Variants in GET4 observed in about 807,000 individuals in gnomAD.
GET4 encodes the protein Golgi to ER traffic protein 4 homolog.
A neutral mutation model predicts 40.0 loss-of-function variants in GET4; 20 were observed. The observed-to-expected ratio is 0.50, with a 90% CI of 0.35 to 0.73. GET4 has a LOEUF of 0.73. Among genes scored for constraint, GET4 ranks in the 30% least tolerant of loss-of-function variants. The pLI is 0.01. For missense variants in GET4, 557 were observed against 454.0 expected (o/e 1.23, Z -2.06); for synonymous variants, 280 against 194.6 (o/e 1.44, Z -3.65).
chr7:892,581 GGT>G (rs1201157813), intron 6 of GET4, 163 bp downstream of exon 6: 4 of 656,050 alleles, frequency 6.1e-6, no homozygotes, highest in East Asian at 5.5e-5. Context: ...ACGTGGCATA[GGT>G]GTGTGTGCAG....
At chr7:890,399 T>C (rs10246770) in intron 4 of GET4, among the ~76,000 whole-genome samples, 267 of 13,250 alleles carry the variant, frequency 0.02, 68 homozygotes, top group Middle Eastern at 0.067. Flanking sequence ...GGAGGGAGTG[T>C]GAGCGGGTGT....
chr7:895,146 GGTC>G (rs1844448652), intron 8 of GET4, among the ~76,000 whole-genome samples, 185 bp from the exon 9 acceptor site: 1 of 152,014 alleles, frequency 6.6e-6, no homozygotes, highest in Non-Finnish European at 1.5e-5. Flanking sequence ...GTATCTCTGT[GGTC>G]GTCGGCTCCC....
At chr7:894,571 C>T (rs1186321075) in intron 8 of GET4, among the ~76,000 whole-genome samples, 1 of 152,164 alleles carries the variant, frequency 6.6e-6, no homozygotes, top group Non-Finnish European at 1.5e-5. Flanking sequence ...ACACCCTGGC[C>T]CTCACCGTGC....
At chr7:888,310 A>G (rs1343168344) in intron 4 of GET4, among the ~76,000 whole-genome samples, 1 of 152,196 alleles carries the variant, frequency 6.6e-6, no homozygotes, top group African/African-American at 2.4e-5. Context: ...GAGCAGCTGC[A>G]TGAGGGCCCA....
chr7:884,102 T>TTTC, intron 1 of GET4: 2 of 1,196,922 alleles, frequency 1.7e-6, no homozygotes, highest in Middle Eastern at 3.8e-4. Context: ...TTTCTTCTGG[T>TTTC]TTCTAAGTCG....
At chr7:879,555 T>C (rs1262813022) in intron 1 of GET4, among the ~76,000 whole-genome samples, 2 of 152,180 alleles carry the variant, frequency 1.3e-5, no homozygotes, top group Non-Finnish European at 2.9e-5. Context: ...TCGTGGCTTA[T>C]GAGGAGACAT....
chr7:894,419 C>G (rs539877052), intron 8 of GET4, among the ~76,000 whole-genome samples: 1 of 152,178 alleles, frequency 6.6e-6, no homozygotes, highest in African/African-American at 2.4e-5. Context: ...AGGCCCCTCA[C>G]TGAGCCGCCT....
Position 895,850 on chromosome 7 carries a change from C to T in GET4, c.*428C>T, listed in dbSNP as rs2128630552. On this transcript the variant is annotated 3_prime_UTR_variant, in exon 9 of 9. Coordinates refer to ENST00000265857, the MANE Select transcript of GET4 (RefSeq NM_015949.3). The stretch of plus-strand genomic sequence containing the variant: ...GTGCTGGCCCTCGGACCTGAGAGCC[C>T]AGCCAGGGCCCATGTGGTCTGCAAA... The T allele has an allele frequency of 6.5e-6, 1 of 154,328 alleles. No homozygotes were observed. Among genetic ancestry groups the T allele is most frequent in the South Asian group, 2.0e-4 (1 of 4,914 alleles). 9.6% of individuals were successfully genotyped at this position (154,328 alleles called of 1,614,324 possible).
chr7:879,812 G>A (rs922503359), intron 1 of GET4: 1 of 152,202 alleles, frequency 6.6e-6, no homozygotes. Context: ...CGTTTTTAAT[G>A]CCAGTTGAAT....
intron 8 of GET4, 78 bp from the exon 9 acceptor site, chr7:895,256 G>T (rs1248854272): frequency 1.4e-6 from 1 of 707,406 alleles, no homozygotes. Context: ...CACCTTGTGA[G>T]ACGTTTGTGG....
At chr7:886,717 C>G in intron 3 of GET4, 67 bp downstream of exon 3, 1 of 1,034,134 alleles carries the variant, frequency 9.7e-7, no homozygotes, top group Non-Finnish European at 1.5e-6. Flanking sequence ...CCCCGGGTCT[C>G]TGCGCTGTGT....
intron 4 of GET4, among the ~76,000 whole-genome samples, chr7:889,419 C>G (rs1169903634): frequency 6.6e-6 from 1 of 152,232 alleles, no homozygotes; most frequent in African/African-American, 2.4e-5. Flanking sequence ...GGGATGAAAT[C>G]ACACCCATAG....
At position 889,676 on chromosome 7, in the gene GET4, TCTGGGGCGAGCGGGTGTTAGGACGGGC is replaced by T. The variant is rs1191194980; in HGVS notation, c.467-1246_467-1220del. 5.1e-3 allele frequency among the ~76,000 whole-genome samples: 685 copies of T among 133,144 alleles called. 2 individuals are homozygous for T. The highest frequency in any genetic ancestry group is 0.012 in the Middle Eastern group (3 of 242). 87.3% of individuals were successfully genotyped at this position (133,144 alleles called of 152,430 possible). ...AGTGTGAGCGGGTGTTAGGACGGGG[TCTGGGGCGAGCGGGTGTTAGGACGGGC>T]CTGGGAGCGGAGGGAGTGCGAGCGG... On this transcript the variant is annotated intron_variant, in intron 4 of 8. Transcript: ENST00000265857.
Position 878,141 on chromosome 7 carries a change from C to T in GET4, c.155+1341C>T, listed in dbSNP as rs534943350. ...CTGGACCTAGGCTCGGTGACACCTG[C>T]ACGGCCGGTGTAGCCTGGAGGGCGA... is the stretch of plus-strand genomic sequence containing the variant. On this transcript the variant is annotated intron_variant, in intron 1 of 8. Transcript: ENST00000265857. 2.8e-4 allele frequency: 112 copies of T among 397,726 alleles called. 1 individual carries two copies. The highest frequency in any genetic ancestry group is 1.8e-3 in the South Asian group (100 of 54,690). The allele number at this position is 397,726 out of a possible 1,614,324, so 24.6% of individuals were successfully genotyped here.
Position 887,491 on chromosome 7 carries a change from C to G in GET4, c.438C>G (p.His146Gln). Reference sequence around the variant, plus strand: ...GGAAGCTGGGCCACCCCCGGCTGCACCAGCTGCTGGCCCTCACCCTGTGGA... The same window carrying G: ...GGAAGCTGGGCCACCCCCGGCTGCAGCAGCTGCTGGCCCTCACCCTGTGGA... Reference protein sequence around the residue: ...GSGKLGHPRLHQLLALTLWKE... With the variant: ...GSGKLGHPRLQQLLALTLWKE... Residue 146 changes from histidine to glutamine, a missense_variant, in exon 4 of 9, where the codon CAC (histidine) becomes CAG (glutamine). His to Gln is a conservative substitution (Grantham distance 24, BLOSUM62 0). Coordinates refer to ENST00000265857, the MANE Select transcript of GET4 (RefSeq NM_015949.3). 1 of 1,571,184 alleles carries G rather than the reference C, an allele frequency of 6.4e-7. No individual in the cohort carries two copies. The highest frequency in any genetic ancestry group is 8.6e-7 in the Non-Finnish European group (1 of 1,158,464).
intron 3 of GET4, 92 bp downstream of exon 3, chr7:886,742 TG>T (rs1844196478): frequency 2.3e-6 from 2 of 853,786 alleles, no homozygotes; most frequent in Admixed American, 1.8e-5. Flanking sequence ...TGTCTGCGTT[TG>T]GGGGTCTTGT....
Position 891,052 on chromosome 7 carries a change from C to G in GET4, c.591C>G (p.Ala197=), listed in dbSNP as rs13171. 6.2e-7 allele frequency: 1 copy of G among 1,603,160 alleles called. No homozygotes were observed. Among genetic ancestry groups the G allele is most frequent in the Admixed American group, 1.7e-5 (1 of 59,160 alleles). Reference sequence around the variant, plus strand: ...GCAGCGAGGTGGACATGTTCGTGGCCCAGGCCGTGCTACAGTAGGTGTCTG... The same window carrying G: ...GCAGCGAGGTGGACATGTTCGTGGCGCAGGCCGTGCTACAGTAGGTGTCTG... ...GFRSEVDMFV[A]QAVLQFLCLK... The change falls in exon 5 of 9, where the codon GCC becomes GCG. Residue 197 remains alanine (A), a synonymous_variant. Coordinates refer to ENST00000265857, the MANE Select transcript of GET4 (RefSeq NM_015949.3).
chr7:895,262 T>C (rs1302877975), intron 8 of GET4, 72 bp from the exon 9 acceptor site: 5 of 726,044 alleles, frequency 6.9e-6, no homozygotes, highest in South Asian at 5.0e-5. Flanking sequence ...GTGAGACGTT[T>C]GTGGGAAGGA....
intron 4 of GET4, among the ~76,000 whole-genome samples, chr7:888,834 C>T (rs1253558331): frequency 2.0e-5 from 3 of 152,250 alleles, no homozygotes; most frequent in Non-Finnish European, 2.9e-5. Flanking sequence ...TGCCACTCTG[C>T]GTGGGCCCCA....
Sources: gnomAD v4.1 joint callset for allele counts (sites outside exome capture counted in the v4.1 genomes callset) on GRCh38, gnomAD v4.1.1 for gene constraint, MANE v1.5 for transcripts, NCBI Gene and HGNC (gene_info 2026-07-23, HGNC 2026-07-21) for gene names.